The following RIF1 variants were observed in gnomAD, a reference collection of about 807,000 sequenced individuals.
RIF1 encodes the protein replication timing regulatory factor 1.
A neutral mutation model predicts 247.1 loss-of-function variants in RIF1; 45 were observed. The observed-to-expected ratio is 0.18, with a 90% confidence interval of 0.14 to 0.23. The LOEUF is 0.23. RIF1 is among the 10% of genes least tolerant of loss of function. The pLI is 1.00. For synonymous variants in RIF1, 1,087 were observed against 978.8 expected (o/e 1.11, Z -2.06); for missense variants, 2,967 against 2,862.5 (o/e 1.04, Z -0.83).
Position 151,421,160 on chromosome 2 carries a change from T to C in RIF1, c.693+781T>C, listed in dbSNP as rs532419806. Among the ~76,000 whole-genome samples the C allele has an allele frequency of 1.1e-4, 17 of 152,354 alleles. No individual in the cohort carries two copies. The South Asian group carries it at 1.7e-3, about 15-fold the overall frequency. On this transcript the variant is annotated intron_variant, in intron 7 of 35. Coordinates refer to ENST00000444746, the MANE Select transcript of RIF1 (RefSeq NM_018151.5). ...TGCATTGTTGCAGGCGCTGTGAATA[T>C]AGCAGTGAACAAAAGAGGCTTGATG...
At chr2:151,416,297 C>CTTT (rs1476761385) in intron 4 of RIF1, among the ~76,000 whole-genome samples, 1 of 152,138 alleles carries the variant, frequency 6.6e-6, no homozygotes, top group Non-Finnish European at 1.5e-5. Context: ...TATGTTCAAA[C>CTTT]CTACAGTGAT....
intron 11 of RIF1, among the ~76,000 whole-genome samples, chr2:151,435,989 C>T (rs1337108844): frequency 2.6e-5 from 4 of 151,934 alleles, no homozygotes; most frequent in Non-Finnish European, 2.9e-5. Flanking sequence ...TTTGGGAGGC[C>T]GAGCCCAGCA....
chr2:151,469,769 A>G lies in RIF1; in HGVS notation c.7000A>G (p.Ser2334Gly). 1 of 1,610,646 alleles carries G rather than the reference A, an allele frequency of 6.2e-7. No homozygotes were observed. The highest frequency in any genetic ancestry group is 8.5e-7 in the Non-Finnish European group (1 of 1,177,772). ...GAATATAAAAACTATTGGTGATTTG[A>G]GTACTCTTACAGCATCTGAAATAAA... ...AKNIKTIGDL[S>G]TLTASEIKTL... The change falls in exon 34 of 36, where the codon AGT (serine) becomes GGT (glycine). Residue 2334 changes from serine to glycine, a missense_variant. Ser to Gly is a moderately conservative substitution (Grantham distance 56, BLOSUM62 0). Coordinates refer to ENST00000444746, the MANE Select transcript of RIF1 (RefSeq NM_018151.5).
chr2:151,411,953 C>G (rs1301788699), intron 3 of RIF1, among the ~76,000 whole-genome samples: 1 of 152,164 alleles, frequency 6.6e-6, no homozygotes, highest in Non-Finnish European at 1.5e-5. Context: ...TGAGTTTGTG[C>G]TCTTGAAAGC....
At chr2:151,418,446 G>A (rs1382720666) in intron 6 of RIF1, among the ~76,000 whole-genome samples, 1 of 152,176 alleles carries the variant, frequency 6.6e-6, no homozygotes, top group Non-Finnish European at 1.5e-5. Flanking sequence ...CTCAGGTGGT[G>A]CACCCACCTC....
rs557696314 is a variant in RIF1, at chr2:151,492,055, C to T, written c.*416-3174C>T. 25 of 1,584,538 alleles carry T rather than the reference C, an allele frequency of 1.6e-5. No individual in the cohort carries two copies. In the South Asian group the frequency reaches 2.7e-4, roughly 17 times the overall value. On this transcript the variant is annotated intron_variant and NMD_transcript_variant, in intron 9 of 13. Transcript: ENST00000454583. ...AATGCTACTTTTGTTCTTCTACCCC[C>T]TCACTTAAAGTTAATCCCCTCCCCC... is the stretch of plus-strand genomic sequence containing the variant.
At chr2:151,421,008 TA>T (rs1182417871) in intron 7 of RIF1, among the ~76,000 whole-genome samples, 1 of 152,210 alleles carries the variant, frequency 6.6e-6, no homozygotes, top group Non-Finnish European at 1.5e-5. Flanking sequence ...ATAATCCCAG[TA>T]GATACAAATT....
chr2:151,425,801 G>A (rs1251864170), intron 8 of RIF1, among the ~76,000 whole-genome samples: 1 of 150,318 alleles, frequency 6.7e-6, no homozygotes, highest in African/African-American at 2.4e-5. Flanking sequence ...CAAGTAGCTG[G>A]GATTACAGGC....
rs755009242 is a variant in RIF1 at position 151,491,745 on chromosome 2, G to A, written c.*416-3484G>A. 1.1e-5 allele frequency: 18 copies of A among 1,595,526 alleles called. No individual in the cohort carries two copies. Among genetic ancestry groups the A allele is most frequent in the African/African-American group, 2.7e-5 (2 of 74,652 alleles). On this transcript the variant is annotated intron_variant and NMD_transcript_variant, in intron 9 of 13. Coordinates refer to the RIF1 transcript ENST00000454583. ...TTCTGCTGGATCATAGTCAAAAACC[G>A]AACCAGGATTAGTACGCCAGACACG...
At chr2:151,498,506 T>TAA (rs979671197) in intron 10 of RIF1, among the ~76,000 whole-genome samples, 2 of 152,148 alleles carry the variant, frequency 1.3e-5, no homozygotes, top group African/African-American at 4.8e-5. Context: ...TGTTTGAGCC[T>TAA]AAAGACATCT....
In RIF1 at chr2:151,464,565, G is replaced by C; in HGVS notation, c.5045G>C (p.Arg1682Thr). Residue 1682 changes from arginine to threonine, a missense_variant, in exon 30 of 36, where the codon AGA becomes ACA. Coordinates refer to ENST00000444746, the MANE Select transcript of RIF1 (RefSeq NM_018151.5). ...SNLRTRNAIK[R>T]LHKRDSFDNC... is the part of the protein sequence containing the mutation. ...CTAAGGACTAGAAATGCCATTAAGA[G>C]ATTACATAAGCGAGACTCTTTTGAT... 6.2e-7 allele frequency: 1 copy of C among 1,613,030 alleles called. No homozygotes were observed. The highest frequency in any genetic ancestry group is 2.2e-5 in the East Asian group (1 of 44,842).
chr2:151,435,608 C>CT (rs749078795), intron 11 of RIF1, 28 bp downstream of exon 11: 6 of 1,280,956 alleles, frequency 4.7e-6, no homozygotes, highest in Non-Finnish European at 6.8e-6. Context: ...TTGTTTTTTG[C>CT]TTTTTTAATC....
chr2:151,519,812 C>T, the RIF1 span: 21 of 1,319,256 alleles, frequency 1.6e-5, no homozygotes, highest in African/African-American at 2.8e-4. Flanking sequence ...GGACATCAAT[C>T]AATTTGGGAA....
Position 151,461,243 on chromosome 2 carries a change from G to C in RIF1, c.3181G>C (p.Glu1061Gln). 3 of 1,613,544 alleles carry C rather than the reference G, an allele frequency of 1.9e-6. No homozygotes were observed. Among genetic ancestry groups the C allele is most frequent in the African/African-American group, 2.7e-5 (2 of 74,994 alleles). Residue 1061 changes from glutamate (E) to glutamine (Q), a missense_variant, in exon 27 of 36, where the codon GAA becomes CAA. Glu to Gln is a conservative substitution (Grantham distance 29). Around this residue, in one of 7 missense-constraint regions of RIF1, gnomAD observed 2,028 missense variants for 1,825.6 expected, o/e 1.11. Coordinates refer to ENST00000444746, the MANE Select transcript of RIF1 (RefSeq NM_018151.5). ...ACCTCCAGAAGGAAAAGATGCAAAGGAAAGAATATTAACTGATCATCAAAA... is the reference window on the plus strand; with the variant it reads ...ACCTCCAGAAGGAAAAGATGCAAAGCAAAGAATATTAACTGATCATCAAAA... ...FIPPEGKDAK[E>Q]RILTDHQKEV...
intron 8 of RIF1, among the ~76,000 whole-genome samples, chr2:151,427,634 T>A (rs1052560719): frequency 6.6e-6 from 1 of 151,914 alleles, no homozygotes; most frequent in Non-Finnish European, 1.5e-5. Context: ...AGTTATCCGG[T>A]TTTCTACCAG....
rs958716727 is a variant in RIF1, at chr2:151,409,919, A to T, written c.-125A>T. On this transcript the variant is annotated 5_prime_UTR_variant, in exon 1 of 36. Coordinates refer to ENST00000444746, the MANE Select transcript of RIF1 (RefSeq NM_018151.5). Reference sequence around the variant, plus strand: ...GCCCGCCCAGCCGCCATCTTGGTCTAGGAGGGAGCGCGCCGCACGCGTGAG... The same window carrying T: ...GCCCGCCCAGCCGCCATCTTGGTCTTGGAGGGAGCGCGCCGCACGCGTGAG... The T allele has an allele frequency of 1.4e-6, 1 of 698,928 alleles. No individual in the cohort carries two copies. Among genetic ancestry groups the T allele is most frequent in the African/African-American group, 1.7e-5 (1 of 57,146 alleles). The allele number at this position is 698,928 out of a possible 1,614,324, so 43.3% of individuals were successfully genotyped here. A position where few individuals can be genotyped will look rare whatever the true frequency, so the allele number is the denominator to read the frequency against.
At chr2:151,512,022 T>C (rs112563738), downstream of RIF1, among the ~76,000 whole-genome samples, 111 of 22,212 alleles carry the variant, frequency 5.0e-3, 1 homozygote, top group Middle Eastern at 0.079. Context: ...TCTCACTCTT[T>C]TTTTTTTTTT....
At chr2:151,421,043 C>G (rs1688080984) in intron 7 of RIF1, among the ~76,000 whole-genome samples, 2 of 152,194 alleles carry the variant, frequency 1.3e-5, no homozygotes, top group Admixed American at 1.3e-4. Context: ...CTTACCTAGT[C>G]TCTATAGTTT....
intron 14 of RIF1, 84 bp downstream of exon 14, chr2:151,438,830 G>A: frequency 1.2e-6 from 1 of 801,940 alleles, no homozygotes; most frequent in Non-Finnish European, 2.1e-6. Flanking sequence ...TGAATTGTTT[G>A]ACTATATAAA....
Sources: gnomAD v4.1 joint callset for allele counts (sites outside exome capture counted in the v4.1 genomes callset) on GRCh38, gnomAD v4.1.1 for gene constraint, gnomAD v4.1.1 regional missense constraint, MANE v1.5 for transcripts, NCBI Gene and HGNC (gene_info 2026-07-23, HGNC 2026-07-21) for gene names.